UNC13C: variants seen among roughly 807,000 people sequenced by gnomAD.
UNC13C encodes the protein unc-13 homolog C, also known as protein unc-13 homolog C.
Under a neutral mutation model 245.4 loss-of-function variants are expected in UNC13C, and 174 were observed. That is an observed-to-expected ratio of 0.71 (90% CI 0.63 to 0.80). UNC13C has a LOEUF of 0.80. UNC13C is among the 30% of genes least tolerant of loss of function. The pLI is 0.00. For synonymous variants in UNC13C, 992 were observed against 895.1 expected (o/e 1.11, Z -1.93); for missense variants, 2,829 against 2,602.9 (o/e 1.09, Z -1.89).
At chr15:54,236,323 A>G (rs1567123610) in intron 5 of UNC13C, 107 bp from the exon 6 acceptor site, 1 of 837,620 alleles carries the variant, frequency 1.2e-6, no homozygotes. Flanking sequence ...CACTATGTGG[A>G]AATAATTGTA....
At chr15:54,440,343 CA>C (rs1567273259) in intron 19 of UNC13C, among the ~76,000 whole-genome samples, 2 of 152,024 alleles carry the variant, frequency 1.3e-5, no homozygotes, top group African/African-American at 2.4e-5. Context: ...TGAAAACAAA[CA>C]AATACTCTCT....
intron 4 of UNC13C, among the ~76,000 whole-genome samples, chr15:54,160,119 AAAG>A (rs947525481): frequency 2.2e-4 from 33 of 152,122 alleles, no homozygotes; most frequent in African/African-American, 7.7e-4. Context: ...TATTGACAAA[AAAG>A]GACATAGAAG....
chr15:53,934,594 T>G, the UNC13C span, among the ~76,000 whole-genome samples: 1 of 152,220 alleles, frequency 6.6e-6, no homozygotes, highest in Non-Finnish European at 1.5e-5. Context: ...TGACATTATC[T>G]CCAATCCCTC....
intron 18 of UNC13C, among the ~76,000 whole-genome samples, chr15:54,405,119 A>G (rs1400672208): frequency 6.6e-6 from 1 of 152,126 alleles, no homozygotes; most frequent in Non-Finnish European, 1.5e-5. Flanking sequence ...TGACTATGCA[A>G]AATATTTACA....
At chr15:54,088,972 A>G (rs1899407162) in intron 2 of UNC13C, among the ~76,000 whole-genome samples, 1 of 152,154 alleles carries the variant, frequency 6.6e-6, no homozygotes, top group South Asian at 2.1e-4. Context: ...GAACATCCAC[A>G]TGAAGTTCCA....
At chr15:54,280,773 TATATATATACAC>T (rs2036972023) in intron 10 of UNC13C, among the ~76,000 whole-genome samples, 1 of 139,282 alleles carries the variant, frequency 7.2e-6, no homozygotes, top group African/African-American at 2.8e-5. Context: ...TACATACATA[TATATATATACAC>T]ATATATATAT....
At chr15:54,068,997 C>T (rs186508997) in intron 2 of UNC13C, among the ~76,000 whole-genome samples, 478 of 152,214 alleles carry the variant, frequency 3.1e-3, no homozygotes, top group Non-Finnish European at 5.2e-3. Context: ...TTTGTATTAC[C>T]TAGCACATCT....
chr15:54,481,489 G>A (rs760582771), intron 19 of UNC13C, among the ~76,000 whole-genome samples: 1 of 152,176 alleles, frequency 6.6e-6, no homozygotes, highest in Non-Finnish European at 1.5e-5. Flanking sequence ...AGGTGTGTGT[G>A]TGTGTACCTG....
At chr15:54,150,199 C>T (rs2032453800) in intron 4 of UNC13C, among the ~76,000 whole-genome samples, 2 of 152,182 alleles carry the variant, frequency 1.3e-5, no homozygotes, top group African/African-American at 2.4e-5. Context: ...ATAGATTTAA[C>T]AAGATTCTTA....
intron 28 of UNC13C, among the ~76,000 whole-genome samples, chr15:54,552,563 A>ATATTATATATAATTATATTATATTG (rs1896829287): frequency 2.2e-5 from 2 of 89,498 alleles, no homozygotes. Context: ...ATATAATTAT[A>ATATTATATATAATTATATTATATTG]TATTATATAT....
chr15:54,133,233 A>G (rs4774685), intron 2 of UNC13C, among the ~76,000 whole-genome samples: 1 of 151,848 alleles, frequency 6.6e-6, no homozygotes, highest in Non-Finnish European at 1.5e-5. Context: ...GGTTAGGGAG[A>G]TGACATGTTT....
intron 14 of UNC13C, among the ~76,000 whole-genome samples, chr15:54,325,640 C>A (rs969444359): frequency 6.6e-6 from 1 of 151,814 alleles, no homozygotes; most frequent in Non-Finnish European, 1.5e-5. Flanking sequence ...ACCTCCCACT[C>A]GTGAGTGAGA....
At chr15:54,565,058 A>G (rs28432763) in intron 29 of UNC13C, among the ~76,000 whole-genome samples, 5,501 of 152,080 alleles carry the variant, frequency 0.036, 296 homozygotes, top group African/African-American at 0.12. Context: ...TGCTAAAGTT[A>G]AAAACAACAG....
chr15:54,195,870 G>A (rs1471148705), intron 4 of UNC13C, among the ~76,000 whole-genome samples: 7 of 151,966 alleles, frequency 4.6e-5, no homozygotes, highest in Non-Finnish European at 1.0e-4. Context: ...TACCAAAGCT[G>A]GTATATTAAT....
chr15:54,139,292 G>T (rs1269514802), intron 2 of UNC13C, among the ~76,000 whole-genome samples: 1 of 151,940 alleles, frequency 6.6e-6, no homozygotes, highest in Non-Finnish European at 1.5e-5. Flanking sequence ...ACCAATCACA[G>T]TGGATTATGA....
intron 4 of UNC13C, among the ~76,000 whole-genome samples, chr15:54,208,397 C>G (rs113297425): frequency 3.3e-5 from 5 of 152,170 alleles, no homozygotes; most frequent in African/African-American, 1.2e-4. Flanking sequence ...TATAACAGTA[C>G]CTGCCAAATA....
chr15:54,283,716 G>A (rs1051632224), intron 10 of UNC13C, among the ~76,000 whole-genome samples: 12 of 97,538 alleles, frequency 1.2e-4, no homozygotes, highest in East Asian at 8.5e-4. Context: ...ATATATGTGT[G>A]TGTGTGTGTG....
intron 2 of UNC13C, among the ~76,000 whole-genome samples, chr15:54,126,586 G>A (rs918345062): frequency 1.3e-5 from 2 of 152,002 alleles, no homozygotes; most frequent in African/African-American, 4.8e-5. Flanking sequence ...TTAAACCTAA[G>A]ACCTAAAACC....
chr15:54,038,706 T>A (rs547593787), intron 2 of UNC13C, among the ~76,000 whole-genome samples: 91 of 152,340 alleles, frequency 6.0e-4, no homozygotes, highest in African/African-American at 2.1e-3. Flanking sequence ...CAACACTGTT[T>A]AAGAAACCTA....
Sources: allele counts gnomAD v4.1 joint callset (sites outside exome capture counted in the v4.1 genomes callset), GRCh38; gene constraint gnomAD v4.1.1; transcripts MANE v1.5; gene names NCBI Gene and HGNC (gene_info 2026-07-23, HGNC 2026-07-21).